SSH2: variants seen among roughly 807,000 people sequenced by gnomAD.
SSH2 encodes protein phosphatase Slingshot homolog 2.
A neutral mutation model predicts 135.2 loss-of-function variants in SSH2; 37 were observed. The observed-to-expected ratio is 0.27, with a 90% CI of 0.21 to 0.36. The LOEUF (loss-of-function observed/expected upper bound fraction) is 0.36. Among genes scored for constraint, SSH2 ranks in the 10% least tolerant of loss-of-function variants. SSH2 has a pLI of 1.00. For missense variants in SSH2, 1,408 were observed against 1,765.3 expected, an observed-to-expected ratio of 0.80 and a Z score of 3.63; for synonymous variants, 628 against 646.2, an observed-to-expected ratio of 0.97 and a Z score of 0.43.
intron 1 of SSH2, among the ~76,000 whole-genome samples, chr17:29,888,015 T>A (rs551411941): frequency 6.6e-6 from 1 of 152,144 alleles, no homozygotes; most frequent in East Asian, 1.9e-4. Flanking sequence ...TACTGGAGGA[T>A]CACTTAAGCC....
Position 29,630,934 on chromosome 17 carries a change from G to C in SSH2, c.4260C>G (p.Pro1420=), listed in dbSNP as rs372358837. ...ACPAPGLAVA[P]RQQHGRTHPL... ...GGTGAGTTCTGCCGTGTTGCTGACG[G>C]GGTGCCACGGCCAGCCCTGGAGCTG... is the stretch of plus-strand genomic sequence containing the variant. Residue 1420 remains proline (P), a synonymous_variant, in exon 16 of 16, where the codon CCC becomes CCG. Coordinates refer to ENST00000540801, the MANE Select transcript of SSH2 (RefSeq NM_001282129.2). 1 of 1,609,404 alleles carries C rather than the reference G, an allele frequency of 6.2e-7. No individual in the cohort carries two copies. Among genetic ancestry groups the C allele is most frequent in the Non-Finnish European group, 8.5e-7 (1 of 1,176,028 alleles).
chr17:29,852,612 C>T (rs1036547843), intron 1 of SSH2, among the ~76,000 whole-genome samples: 10 of 150,856 alleles, frequency 6.6e-5, no homozygotes, highest in African/African-American at 1.5e-4. Context: ...AGTACAGTGG[C>T]GCAATCTTTG....
intron 3 of SSH2, chr17:29,780,474 C>T (rs1408181904): frequency 6.8e-6 from 1 of 148,078 alleles, no homozygotes; most frequent in Non-Finnish European, 1.5e-5. Context: ...CTTGCTGTCT[C>T]CAGGTTGGAG....
rs1278069704 is a variant in SSH2 at position 29,644,402 on chromosome 17, C to G, written c.1427+3742G>C. On this transcript the variant is annotated intron_variant, in intron 14 of 15. Transcript: ENST00000540801. ...TCTAACAAGAGTCTCTTTCCAGGTT[C>G]TAGTAACTGCTTCCTCTCTTTTTGG... 2.0e-5 allele frequency among the ~76,000 whole-genome samples: 3 copies of G among 152,350 alleles called. No individual in the cohort carries two copies. The East Asian group carries it at 5.8e-4, about 29-fold the overall frequency.
rs1311579101 is a variant in SSH2 at position 29,640,679 on chromosome 17, C to CA, written c.1428-3878dup. ...GCAATAGGACCTGGAGGGAGAATGG[C>CA]AAGCAGCTGATTCATCTCCATTGCC... On this transcript the variant is annotated intron_variant, in intron 14 of 15. Transcript: ENST00000540801. The CA allele has an allele frequency of 4.6e-5, 7 of 152,154 alleles. 2 individuals carry two copies. Among genetic ancestry groups the CA allele is most frequent in the Admixed American group, 4.6e-4 (7 of 15,280 alleles). The allele number at this position is 152,154 out of a possible 1,614,324, so 9.4% of individuals were successfully genotyped here.
intron 2 of SSH2, among the ~76,000 whole-genome samples, chr17:29,828,795 C>T (rs1469829150): frequency 6.6e-6 from 1 of 152,116 alleles, no homozygotes; most frequent in African/African-American, 2.4e-5. Flanking sequence ...CAGACGTTAC[C>T]TAGTATTGTG....
intron 2 of SSH2, among the ~76,000 whole-genome samples, chr17:29,842,139 G>GAGGGGGT (rs112916281): frequency 6.6e-6 from 1 of 150,862 alleles, no homozygotes; most frequent in Non-Finnish European, 1.5e-5. Context: ...TTTAACTGGA[G>GAGGGGGT]GAGACCCTGT....
intron 5 of SSH2, among the ~76,000 whole-genome samples, chr17:29,693,013 G>A (rs1172276975): frequency 6.6e-6 from 1 of 152,112 alleles, no homozygotes; most frequent in African/African-American, 2.4e-5. Flanking sequence ...CAGGTTGAGG[G>A]CAGTGGCGTG....
Position 29,703,022 on chromosome 17 carries a change from A to G in SSH2, c.229T>C (p.Phe77Leu). 6.2e-7 allele frequency: 1 copy of G among 1,613,994 alleles called. No homozygotes were observed. Among genetic ancestry groups the G allele is most frequent in the Non-Finnish European group, 8.5e-7 (1 of 1,179,874 alleles). The change falls in exon 4 of 16, where the codon TTT (phenylalanine) becomes CTT (leucine). Residue 77 changes from phenylalanine to leucine, a missense_variant. Physicochemically the swap from Phe to Leu is conservative, Grantham distance 22. Transcript: ENST00000540801. Reference protein sequence around the residue: ...SFLTVKGAALFLPRGNGSSTP... With the variant: ...SFLTVKGAALLLPRGNGSSTP... ...GATGAGCCATTTCCCCGTGGTAGAAAAAGGGCAGCACCTTTGACAGTTAGA... is the reference window on the plus strand; with the variant it reads ...GATGAGCCATTTCCCCGTGGTAGAAGAAGGGCAGCACCTTTGACAGTTAGA...
chr17:29,908,746 A>G (rs1355509449), intron 1 of SSH2, among the ~76,000 whole-genome samples: 4 of 139,140 alleles, frequency 2.9e-5, no homozygotes, highest in Non-Finnish European at 6.1e-5. Flanking sequence ...TTTGGGCAAC[A>G]GAGCAAGACT....
At chr17:29,755,393 A>C (rs998509787) in intron 3 of SSH2, among the ~76,000 whole-genome samples, 6 of 152,162 alleles carry the variant, frequency 3.9e-5, no homozygotes, top group Admixed American at 6.5e-5. Flanking sequence ...TGACAGGTAA[A>C]AAATAATACC....
chr17:29,710,990 G>A (rs539726620), intron 3 of SSH2, among the ~76,000 whole-genome samples: 1 of 152,282 alleles, frequency 6.6e-6, no homozygotes, highest in Admixed American at 6.5e-5. Flanking sequence ...GCCATACCTG[G>A]AACCCTCTCC....
At chr17:29,739,403 A>G (rs1171513727) in intron 3 of SSH2, among the ~76,000 whole-genome samples, 1 of 152,182 alleles carries the variant, frequency 6.6e-6, no homozygotes, top group Non-Finnish European at 1.5e-5. Context: ...GGCCCTGAAA[A>G]TTACATGGCT....
intron 1 of SSH2, chr17:29,925,676 T>G (rs1408382625): frequency 5.1e-6 from 2 of 390,600 alleles, no homozygotes; most frequent in African/African-American, 4.2e-5. Flanking sequence ...GCCACTGCAC[T>G]CCAGCCTGTG....
chr17:29,695,577 A>G, intron 4 of SSH2, 54 bp from the exon 5 acceptor site: 1 of 1,494,154 alleles, frequency 6.7e-7, no homozygotes, highest in Non-Finnish European at 9.2e-7. Context: ...ATGTTGACAG[A>G]GAGGATTCCT....
intron 1 of SSH2, chr17:29,925,183 C>A (rs1381393854): frequency 5.5e-6 from 1 of 182,776 alleles, no homozygotes; most frequent in African/African-American, 2.4e-5. Flanking sequence ...AAAAACCACT[C>A]TGAAAAGTAT....
At chr17:29,885,414 C>G (rs2066219030) in intron 1 of SSH2, among the ~76,000 whole-genome samples, 2 of 150,866 alleles carry the variant, frequency 1.3e-5, no homozygotes, top group Non-Finnish European at 2.9e-5. Context: ...CTCCTAAAAC[C>G]CTTGGAATTT....
At chr17:29,899,340 T>C (rs1214098608) in intron 1 of SSH2, among the ~76,000 whole-genome samples, 1 of 152,126 alleles carries the variant, frequency 6.6e-6, no homozygotes, top group Non-Finnish European at 1.5e-5. Flanking sequence ...AGTCAAATTG[T>C]CCCTGTTTGC....
At chr17:29,703,178 C>T (rs1044272916) in intron 3 of SSH2, 116 bp from the exon 4 acceptor site, 33 of 718,130 alleles carry the variant, frequency 4.6e-5, no homozygotes, top group Middle Eastern at 3.5e-4. Flanking sequence ...CTTCATGGAA[C>T]GAAGTAAAAA....
Sources: allele counts gnomAD v4.1 joint callset (sites outside exome capture counted in the v4.1 genomes callset), GRCh38; gene constraint gnomAD v4.1.1; transcripts MANE v1.5; gene names NCBI Gene and HGNC (gene_info 2026-07-23, HGNC 2026-07-21).